Variants in NBPF26 observed in about 807,000 individuals in gnomAD.
The protein encoded by NBPF26 is NBPF family member NBPF26.
A neutral mutation model predicts 119.6 loss-of-function variants in NBPF26; 79 were observed. The observed-to-expected ratio is 0.66, with a 90% confidence interval of 0.55 to 0.80. The LOEUF is 0.80. Among genes scored for constraint, NBPF26 ranks in the 30% least tolerant of loss-of-function variants. The probability of loss-of-function intolerance (pLI) is 0.00; values close to 1 mark genes in which losing one functional copy is unlikely to be tolerated. For missense variants in NBPF26, 800 were observed against 1,198.2 expected (o/e 0.67, Z 4.91); for synonymous variants, 299 against 457.7 (o/e 0.65, Z 4.43).
chr1:120,813,595 G>A (rs1553271272), intron 10 of NBPF26, among the ~76,000 whole-genome samples: 1,283 of 127,430 alleles, frequency 0.01, 235 homozygotes, highest in African/African-American at 0.045. Flanking sequence ...AAGTGGCCCC[G>A]CATTCAGAGT....
Position 120,832,417 on chromosome 1 carries a change from G to T in NBPF26, c.3262+257G>T, listed in dbSNP as rs1270647055. Reference sequence around the variant, plus strand: ...CCTGTTCTCATGACATTGGACCTGGGCAGATGTGACAAATTCAGAGAACTA... The same window carrying T: ...CCTGTTCTCATGACATTGGACCTGGTCAGATGTGACAAATTCAGAGAACTA... On this transcript the variant is annotated intron_variant, in intron 22 of 29. Transcript: ENST00000620612. 8.0e-5 allele frequency among the ~76,000 whole-genome samples: 8 copies of T among 100,322 alleles called. No homozygotes were observed. The South Asian group carries it at 2.7e-3, about 33-fold the overall frequency. 65.8% of individuals were successfully genotyped at this position (100,322 alleles called of 152,430 possible). A position where few individuals can be genotyped will look rare whatever the true frequency, so the allele number is the denominator to read the frequency against.
At chr1:120,752,570 T>A (rs1651035217) in intron 1 of NBPF26, among the ~76,000 whole-genome samples, 3 of 33,604 alleles carry the variant, frequency 8.9e-5, no homozygotes, top group Non-Finnish European at 9.5e-5. Context: ...TTTTTTTTTT[T>A]TTTTCTTTTT....
Position 120,798,634 on chromosome 1 carries a change from T to C in NBPF26, c.751+5138T>C, listed in dbSNP as rs1423925933. 1.8e-3 allele frequency among the ~76,000 whole-genome samples: 52 copies of C among 28,862 alleles called. 1 individual carries two copies. Among genetic ancestry groups the C allele is most frequent in the Middle Eastern group, 0.015 (1 of 66 alleles). 18.9% of individuals were successfully genotyped at this position (28,862 alleles called of 152,430 possible). ...ATTTTCTTTTCTTTTCTTTTCTTTT[T>C]TTTTTTTTTTTTTGAGACGGAGCAT... On this transcript the variant is annotated intron_variant, in intron 4 of 29. Coordinates refer to ENST00000620612, the Ensembl canonical transcript of NBPF26.
intron 7 of NBPF26, among the ~76,000 whole-genome samples, chr1:120,809,331 G>A (rs1651795044): frequency 6.6e-6 from 1 of 150,624 alleles, no homozygotes; most frequent in African/African-American, 2.5e-5. Context: ...TCAGACTGGA[G>A]CACTCCCCAT....
Position 120,781,720 on chromosome 1 carries a change from C to T in NBPF26, c.156-3254C>T, listed in dbSNP as rs1364648524. Reference sequence around the variant, plus strand: ...CTGGGACTACAGGCGCCTGCCACCACGCCTGGCTAATTTTTTATATTTTTA... The same window carrying T: ...CTGGGACTACAGGCGCCTGCCACCATGCCTGGCTAATTTTTTATATTTTTA... On this transcript the variant is annotated intron_variant, in intron 2 of 29. Transcript: ENST00000620612. 6.8e-5 allele frequency among the ~76,000 whole-genome samples: 7 copies of T among 103,266 alleles called. 1 individual carries two copies. The highest frequency in any genetic ancestry group is 5.6e-4 in the South Asian group (2 of 3,570). The allele number at this position is 103,266 out of a possible 152,430, so 67.7% of individuals were successfully genotyped here. A position where few individuals can be genotyped will look rare whatever the true frequency, so the allele number is the denominator to read the frequency against.
intron 1 of NBPF26, among the ~76,000 whole-genome samples, chr1:120,729,693 A>G (rs1650855568): frequency 8.5e-6 from 1 of 117,624 alleles, no homozygotes; most frequent in Non-Finnish European, 1.6e-5. Context: ...AATAACATTT[A>G]TCAAGCAGTG....
In NBPF26 at chr1:120,793,317, A is replaced by C. The variant is rs1311727897; in HGVS notation, c.572A>C (p.His191Pro). 15 of 1,405,728 alleles carry C rather than the reference A, an allele frequency of 1.1e-5. 5 individuals carry two copies. The highest frequency in any genetic ancestry group is 1.4e-5 in the Non-Finnish European group (15 of 1,047,764). 87.1% of individuals were successfully genotyped at this position (1,405,728 alleles called of 1,614,324 possible). ...GTCAATGAGTGTGACATTCCAGGAC[A>C]CTGCCAGCATGGTGGCACCTGCCTC... Residue 191 changes from histidine to proline, a missense_variant, in exon 4 of 30, where the codon CAC becomes CCC. Around this residue, in one of 13 missense-constraint regions of NBPF26, gnomAD observed 209 missense variants for 285.2 expected, o/e 0.73. Coordinates refer to ENST00000620612, the Ensembl canonical transcript of NBPF26.
chr1:120,729,004 G>A (rs1650846516), intron 1 of NBPF26, among the ~76,000 whole-genome samples: 2 of 116,344 alleles, frequency 1.7e-5, no homozygotes, highest in Non-Finnish European at 1.6e-5. Context: ...TCTGGCATGT[G>A]CCCCAAATTC....
chr1:120,825,366 C>A (rs1268653940), intron 18 of NBPF26, among the ~76,000 whole-genome samples, 148 bp from the exon 20 acceptor site: 4 of 121,886 alleles, frequency 3.3e-5, no homozygotes, highest in Admixed American at 3.0e-4. Context: ...TGGTTTATCC[C>A]AACCTAAAGG....
At chr1:120,811,747 T>C in intron 9 of NBPF26, 139 bp from the exon 10 acceptor site, 1 of 576,270 alleles carries the variant, frequency 1.7e-6, no homozygotes, top group South Asian at 1.8e-5. Flanking sequence ...AGATCAAGAC[T>C]GGAGATGACA....
rs1425058618 is a variant in NBPF26 at position 120,781,812 on chromosome 1, C to T, written c.156-3162C>T. ...TGACCTGGTGATCTGCCTGCCTCGG[C>T]CTCCCAAAGTGCTGAGATTACTGGT... On this transcript the variant is annotated intron_variant, in intron 2 of 29. Coordinates refer to ENST00000620612, the Ensembl canonical transcript of NBPF26. 2.6e-5 allele frequency among the ~76,000 whole-genome samples: 3 copies of T among 117,352 alleles called. 1 individual carries two copies. Among genetic ancestry groups the T allele is most frequent in the Non-Finnish European group, 1.7e-5 (1 of 60,520 alleles). 77.0% of individuals were successfully genotyped at this position (117,352 alleles called of 152,430 possible).
intron 2 of NBPF26, among the ~76,000 whole-genome samples, chr1:120,764,494 T>C (rs1385026679): frequency 4.2e-5 from 4 of 95,140 alleles, no homozygotes; most frequent in Non-Finnish European, 7.9e-5. Context: ...TGCATGTGTG[T>C]AGATTGAGGG....
rs1427637383 is a variant in NBPF26, at chr1:120,805,301, G to A, written c.752-255G>A. 4.7e-6 allele frequency: 5 copies of A among 1,055,702 alleles called. 1 individual carries two copies. Among genetic ancestry groups the A allele is most frequent in the East Asian group, 2.6e-5 (1 of 39,186 alleles). The allele number at this position is 1,055,702 out of a possible 1,614,324, so 65.4% of individuals were successfully genotyped here. A position where few individuals can be genotyped will look rare whatever the true frequency, so the allele number is the denominator to read the frequency against. ...TAATTCTGTTATTGCAACTGCAGAC[G>A]GTTACCTGGCACGCTGGCCACATTC... On this transcript the variant is annotated intron_variant, in intron 4 of 29. Transcript: ENST00000620612.
At position 120,809,977 on chromosome 1, in the gene NBPF26, C is replaced by A. The variant is rs1571036609; in HGVS notation, c.1352+94C>A. 1.0e-5 allele frequency: 15 copies of A among 1,460,290 alleles called. No individual in the cohort carries two copies. The East Asian group carries it at 3.4e-4, about 33-fold the overall frequency. The allele number at this position is 1,460,290 out of a possible 1,614,324, so 90.5% of individuals were successfully genotyped here. A position where few individuals can be genotyped will look rare whatever the true frequency, so the allele number is the denominator to read the frequency against. On this transcript the variant is annotated intron_variant, in intron 8 of 29. Coordinates refer to ENST00000620612, the Ensembl canonical transcript of NBPF26. ...TCTGGCATCTATGGTGGGCCAAAAG[C>A]CCACATCCCCTTGGCCACAGTATGT...
In NBPF26 at chr1:120,765,175, A is replaced by T. The variant is rs1651177396; in HGVS notation, c.155+1466A>T. On this transcript the variant is annotated intron_variant, in intron 2 of 29. Transcript: ENST00000620612. Reference sequence around the variant, plus strand: ...TTTTTCTAGCTGGGGGAAAAAAAAAACATGTGGTGCATTCTCCTCTAAGAA... The same window carrying T: ...TTTTTCTAGCTGGGGGAAAAAAAAATCATGTGGTGCATTCTCCTCTAAGAA... 1.6e-5 allele frequency among the ~76,000 whole-genome samples: 2 copies of T among 121,304 alleles called. 1 individual carries two copies. Among genetic ancestry groups the T allele is most frequent in the African/African-American group, 8.3e-5 (2 of 24,122 alleles). The allele number at this position is 121,304 out of a possible 152,430, so 79.6% of individuals were successfully genotyped here.
rs1651741783 is a variant in NBPF26 at position 120,807,848 on chromosome 1, T to C, written c.1064+139T>C. ...CCATGGCAGGCTCGCTACACACAAA[T>C]ATTTATCAAACAGAGAAGGAGGATA... On this transcript the variant is annotated intron_variant, in intron 6 of 29. Coordinates refer to ENST00000620612, the Ensembl canonical transcript of NBPF26. 9 of 534,386 alleles carry C rather than the reference T, an allele frequency of 1.7e-5. 1 individual carries two copies. The highest frequency in any genetic ancestry group is 1.3e-4 in the Admixed American group (4 of 30,468). The allele number at this position is 534,386 out of a possible 1,614,324, so 33.1% of individuals were successfully genotyped here.
At chr1:120,775,969 A>AT (rs1453662453) in intron 2 of NBPF26, among the ~76,000 whole-genome samples, 1 of 89,620 alleles carries the variant, frequency 1.1e-5, no homozygotes, top group African/African-American at 8.4e-5. Context: ...AGTAGTCTAT[A>AT]TATCAGGAAT....
chr1:120,803,283 C>A (rs1651602441), intron 4 of NBPF26, among the ~76,000 whole-genome samples: 1 of 137,822 alleles, frequency 7.3e-6, no homozygotes, highest in Non-Finnish European at 1.6e-5. Flanking sequence ...CTAAATAGAG[C>A]AAAGTGTAAA....
At position 120,749,745 on chromosome 1, in the gene NBPF26, T is replaced by C. The variant is rs1174754598; in HGVS notation, c.74-13883T>C. Among the ~76,000 whole-genome samples the C allele has an allele frequency of 4.0e-4, 10 of 25,226 alleles. 4 individuals carry two copies. The highest frequency in any genetic ancestry group is 6.0e-4 in the Non-Finnish European group (9 of 14,878). 16.5% of individuals were successfully genotyped at this position (25,226 alleles called of 152,430 possible). A position where few individuals can be genotyped will look rare whatever the true frequency, so the allele number is the denominator to read the frequency against. On this transcript the variant is annotated intron_variant, in intron 1 of 29. Transcript: ENST00000620612. ...CAGTCATAGGGTAGTTTTTTTTTTT[T>C]TTTCCTGGAGAAATAATGCATAGTG...
Sources: gnomAD v4.1 joint callset for allele counts (sites outside exome capture counted in the v4.1 genomes callset) on GRCh38, gnomAD v4.1.1 for gene constraint, gnomAD v4.1.1 regional missense constraint, MANE v1.5 for transcripts, NCBI Gene and HGNC (gene_info 2026-07-23, HGNC 2026-07-21) for gene names.